CHD9: variants seen among roughly 807,000 people sequenced by gnomAD.
The protein encoded by CHD9 is chromodomain helicase DNA binding protein 9.
Under a neutral mutation model 316.1 loss-of-function variants are expected in CHD9, and 77 were observed. That is an observed-to-expected ratio of 0.24 (90% CI 0.20 to 0.29). The LOEUF (loss-of-function observed/expected upper bound fraction) is 0.29. Among genes scored for constraint, CHD9 ranks in the 10% least tolerant of loss-of-function variants. CHD9 has a pLI of 1.00. For missense variants in CHD9, 2,763 were observed against 3,438.1 expected (o/e 0.80, Z 4.91); for synonymous variants, 1,129 against 1,158.3 (o/e 0.97, Z 0.51).
At position 53,257,079 on chromosome 16, in the gene CHD9, A is replaced by G. The variant is rs189483386; in HGVS notation, c.4209+1300A>G. Among the ~76,000 whole-genome samples the G allele has an allele frequency of 2.2e-3, 331 of 152,350 alleles. 2 individuals carry two copies. The highest frequency in any genetic ancestry group is 7.6e-3 in the African/African-American group (318 of 41,580). On this transcript the variant is annotated intron_variant, in intron 19 of 38. Coordinates refer to ENST00000447540, the MANE Select transcript of CHD9 (RefSeq NM_001308319.2). ...ATTCTGAATAAAGAAAGCCTTTGCA[A>G]AGAAAAGAACATTCAACCTGAGTCT...
At chr16:53,227,109 T>C in intron 5 of CHD9, 1 of 241,368 alleles carries the variant, frequency 4.1e-6, no homozygotes, top group Non-Finnish European at 8.0e-6. Flanking sequence ...ATGGAAATGA[T>C]AATAATGAAG....
chr16:53,120,469 C>T (rs1037363665), intron 1 of CHD9, among the ~76,000 whole-genome samples: 2 of 151,898 alleles, frequency 1.3e-5, no homozygotes, highest in Non-Finnish European at 2.9e-5. Flanking sequence ...CAAAATTAGC[C>T]GGGTGTGGTG....
At chr16:53,145,428 G>A (rs1250505874) in intron 1 of CHD9, among the ~76,000 whole-genome samples, 1 of 151,344 alleles carries the variant, frequency 6.6e-6, no homozygotes, top group Non-Finnish European at 1.5e-5. Context: ...TGAGATTACA[G>A]GCATGAGCCA....
chr16:53,289,453 A>G (rs2054150780), intron 27 of CHD9, among the ~76,000 whole-genome samples: 1 of 152,170 alleles, frequency 6.6e-6, no homozygotes, highest in Non-Finnish European at 1.5e-5. Context: ...AAGTCAACAA[A>G]CAGGTTAAAC....
At chr16:53,056,874 T>C (rs890772026) in intron 1 of CHD9, among the ~76,000 whole-genome samples, 2 of 152,180 alleles carry the variant, frequency 1.3e-5, no homozygotes, top group African/African-American at 4.8e-5. Flanking sequence ...AGTTCTAAAT[T>C]TGCAAATTCT....
chr16:53,296,868 T>G, intron 29 of CHD9, 88 bp from the exon 30 acceptor site: 1 of 864,088 alleles, frequency 1.2e-6, no homozygotes, highest in South Asian at 1.7e-5. Context: ...TTGAAATGTT[T>G]TAAGTTTGTA....
chr16:53,255,703 A>G lies in CHD9; in HGVS notation c.4133A>G (p.Asp1378Gly). Reference protein sequence around the residue: ...EDEGSKFCEEDIDQILLRRTK... With the variant: ...EDEGSKFCEEGIDQILLRRTK... ...GAAGGCTCTAAATTCTGCGAAGAGG[A>G]TATCGATCAGATTTTACTACGTCGT... Residue 1378 changes from aspartate (D) to glycine (G), a missense_variant, in exon 19 of 39, where the codon GAT becomes GGT. Asp to Gly is a moderately conservative substitution (Grantham distance 94). Coordinates refer to ENST00000447540, the MANE Select transcript of CHD9 (RefSeq NM_001308319.2). 6.2e-7 allele frequency: 1 copy of G among 1,613,916 alleles called. No homozygotes were observed. Among genetic ancestry groups the G allele is most frequent in the East Asian group, 2.2e-5 (1 of 44,866 alleles).
At chr16:53,249,755 C>A in intron 16 of CHD9, 116 bp from the exon 17 acceptor site, 1 of 819,208 alleles carries the variant, frequency 1.2e-6, no homozygotes, top group Non-Finnish European at 1.9e-6. Context: ...GATGATATTG[C>A]TTCTTAATTT....
At chr16:53,149,238 G>T (rs1243822848) in intron 1 of CHD9, among the ~76,000 whole-genome samples, 2 of 152,060 alleles carry the variant, frequency 1.3e-5, no homozygotes, top group African/African-American at 4.8e-5. Context: ...TGCTATTGTT[G>T]GGTAGAGTGT....
chr16:53,322,194 G>A (rs1333006394), intron 38 of CHD9, among the ~76,000 whole-genome samples: 1 of 151,014 alleles, frequency 6.6e-6, no homozygotes, highest in Non-Finnish European at 1.5e-5. Context: ...ACGATATTTC[G>A]CCATATTGGC....
At position 53,226,422 on chromosome 16, in the gene CHD9, G is replaced by C; in HGVS notation, c.1953G>C (p.Gly651=). 1.2e-6 allele frequency: 2 copies of C among 1,601,536 alleles called. No individual in the cohort carries two copies. The highest frequency in any genetic ancestry group is 1.3e-5 in the African/African-American group (1 of 74,280). Residue 651 remains glycine (G), a synonymous_variant, in exon 5 of 39, where the codon GGG becomes GGC. Coordinates refer to ENST00000447540, the MANE Select transcript of CHD9 (RefSeq NM_001308319.2). Reference sequence around the variant, plus strand: ...AAAAATACGCAGAAGATATAGAAGGGAAGCAATCTGAAGAAGAGGTTAAAG... The same window carrying C: ...AAAAATACGCAGAAGATATAGAAGGCAAGCAATCTGAAGAAGAGGTTAAAG... ...KRKKYAEDIE[G]KQSEEEVKGS...
intron 1 of CHD9, among the ~76,000 whole-genome samples, chr16:53,064,753 C>T (rs1408347293): frequency 2.6e-5 from 4 of 152,016 alleles, no homozygotes; most frequent in African/African-American, 9.7e-5. Context: ...GTGGGTGGAT[C>T]ACCTGAGGTC....
chr16:53,082,742 C>T (rs1010694371), intron 1 of CHD9, among the ~76,000 whole-genome samples: 3 of 152,210 alleles, frequency 2.0e-5, no homozygotes, highest in African/African-American at 2.4e-5. Flanking sequence ...GATCTTTGCC[C>T]ATGCACTTGG....
At chr16:53,087,247 T>C (rs1364902856) in intron 1 of CHD9, among the ~76,000 whole-genome samples, 3 of 152,124 alleles carry the variant, frequency 2.0e-5, no homozygotes, top group Non-Finnish European at 4.4e-5. Flanking sequence ...TCTATAGGAA[T>C]TGGCTGAGTT....
At chr16:53,130,838 C>A (rs2152678951) in intron 1 of CHD9, 1 of 151,978 alleles carries the variant, frequency 6.6e-6, no homozygotes, top group East Asian at 2.0e-4. Flanking sequence ...GTCACGACCG[C>A]CCCTCCGCGC....
chr16:53,114,739 C>T (rs1189320587), intron 1 of CHD9, among the ~76,000 whole-genome samples: 1 of 152,052 alleles, frequency 6.6e-6, no homozygotes, highest in Non-Finnish European at 1.5e-5. Context: ...AGGCGCCTGC[C>T]ACCACGTCTG....
intron 27 of CHD9, among the ~76,000 whole-genome samples, chr16:53,289,094 C>A (rs1174950351): frequency 6.6e-6 from 1 of 151,758 alleles, no homozygotes; most frequent in Non-Finnish European, 1.5e-5. Flanking sequence ...TAAGATTAGA[C>A]CCCTGAGAAT....
At chr16:53,297,764 C>T (rs1335677707) in intron 30 of CHD9, among the ~76,000 whole-genome samples, 2 of 152,210 alleles carry the variant, frequency 1.3e-5, no homozygotes, top group East Asian at 1.9e-4. Context: ...TATATGATTT[C>T]TCACTGCTAA....
At chr16:53,295,398 A>AT (rs1207398820) in intron 29 of CHD9, among the ~76,000 whole-genome samples, 2 of 152,168 alleles carry the variant, frequency 1.3e-5, no homozygotes, top group African/African-American at 4.8e-5. Flanking sequence ...AAGTGCTGGG[A>AT]TTACAGGCAT....
Sources: gnomAD v4.1 joint callset for allele counts (sites outside exome capture counted in the v4.1 genomes callset) on GRCh38, gnomAD v4.1.1 for gene constraint, MANE v1.5 for transcripts, NCBI Gene and HGNC (gene_info 2026-07-23, HGNC 2026-07-21) for gene names.